DRAM1: variants seen among roughly 807,000 people sequenced by gnomAD.
DRAM1 encodes the protein DNA damage regulated autophagy modulator 1.
A neutral mutation model predicts 28.5 loss-of-function variants in DRAM1; 25 were observed. That is an observed-to-expected ratio of 0.88 (90% confidence interval 0.64 to 1.23). The LOEUF (loss-of-function observed/expected upper bound fraction) is 1.23. Ranked by LOEUF, DRAM1 falls within the 50% of genes most tolerant of loss-of-function variation. The probability of loss-of-function intolerance (pLI) is 0.00; values close to 1 mark genes in which losing one functional copy is unlikely to be tolerated. For synonymous variants in DRAM1, 113 were observed against 114.2 expected (o/e 0.99, Z 0.07); for missense variants, 249 against 299.2 (o/e 0.83, Z 1.24).
At chr12:101,903,862 G>A (rs1279474620) in intron 3 of DRAM1, among the ~76,000 whole-genome samples, 1 of 151,712 alleles carries the variant, frequency 6.6e-6, no homozygotes, top group Admixed American at 6.6e-5. Context: ...CCAGGAGTTT[G>A]AGACTAGTCT....
intron 1 of DRAM1, among the ~76,000 whole-genome samples, chr12:101,894,493 C>G (rs1873272312): frequency 6.6e-6 from 1 of 152,156 alleles, no homozygotes; most frequent in Non-Finnish European, 1.5e-5. Context: ...CTCAAGTGAT[C>G]CATCCTCCTC....
chr12:101,894,789 A>T (rs1308574182), intron 1 of DRAM1, among the ~76,000 whole-genome samples: 1 of 151,954 alleles, frequency 6.6e-6, no homozygotes, highest in African/African-American at 2.4e-5. Flanking sequence ...TCATTCTTTC[A>T]TTGCCTTCCC....
chr12:101,890,235 C>A lies in DRAM1; in HGVS notation c.132-7628C>A, dbSNP rs1001393430. The A allele has an allele frequency of 1.5e-4, 49 of 324,682 alleles. 1 individual carries two copies. The highest frequency in any genetic ancestry group is 1.0e-3 in the South Asian group (43 of 42,964). The allele number at this position is 324,682 out of a possible 1,614,324, so 20.1% of individuals were successfully genotyped here. On this transcript the variant is annotated intron_variant, in intron 1 of 6. Coordinates refer to ENST00000258534, the MANE Select transcript of DRAM1 (RefSeq NM_018370.3). ...CTGGGATTACAGGTATGTGCCACCACGCCTGGCTAATTTTTGTATTTTTTA... is the reference window on the plus strand; with the variant it reads ...CTGGGATTACAGGTATGTGCCACCAAGCCTGGCTAATTTTTGTATTTTTTA...
At chr12:101,896,991 T>C (rs1873399713) in intron 1 of DRAM1, among the ~76,000 whole-genome samples, 1 of 152,104 alleles carries the variant, frequency 6.6e-6, no homozygotes, top group South Asian at 2.1e-4. Context: ...TTCTCCATGT[T>C]GGTCAGGCTG....
chr12:101,878,015 G>A, intron 1 of DRAM1, 95 bp downstream of exon 1: 2 of 1,349,824 alleles, frequency 1.5e-6, no homozygotes, highest in Non-Finnish European at 1.9e-6. Flanking sequence ...GACCCAGCTT[G>A]GGGCGTCGTG....
chr12:101,913,663 G>A (rs931921682), intron 4 of DRAM1, among the ~76,000 whole-genome samples: 4 of 136,618 alleles, frequency 2.9e-5, no homozygotes, highest in African/African-American at 5.6e-5. Flanking sequence ...CTGAGATCGC[G>A]CCATTGCACT....
At chr12:101,892,409 T>A (rs899573550) in intron 1 of DRAM1, among the ~76,000 whole-genome samples, 54 of 69,386 alleles carry the variant, frequency 7.8e-4, no homozygotes, top group African/African-American at 2.1e-3. Flanking sequence ...CTAATTTTTT[T>A]TTTTTTTTTT....
intron 1 of DRAM1, among the ~76,000 whole-genome samples, chr12:101,890,941 G>A (rs925798988): frequency 6.6e-6 from 1 of 151,692 alleles, no homozygotes; most frequent in African/African-American, 2.4e-5. Context: ...AATAGAGACG[G>A]GGTTTCACCA....
chr12:101,907,222 GA>G lies in DRAM1; in HGVS notation c.343-958del, dbSNP rs111710026. 3.8e-3 allele frequency among the ~76,000 whole-genome samples: 512 copies of G among 135,008 alleles called. 6 individuals are homozygous for G. The highest frequency in any genetic ancestry group is 4.2e-3 in the Non-Finnish European group (269 of 64,516). The allele number at this position is 135,008 out of a possible 152,430, so 88.6% of individuals were successfully genotyped here. ...CTCAAAAAAAAAAAAAAAAAAAGAA[GA>G]AAAAAGAAGCTGCATTTGCATAACA... On this transcript the variant is annotated intron_variant, in intron 3 of 6. Coordinates refer to ENST00000258534, the MANE Select transcript of DRAM1 (RefSeq NM_018370.3).
At chr12:101,921,178 A>T in intron 6 of DRAM1, 38 bp from the exon 7 acceptor site, 1 of 1,453,996 alleles carries the variant, frequency 6.9e-7, no homozygotes, top group Non-Finnish European at 9.7e-7. Flanking sequence ...GGATTGTTTA[A>T]CTTCTTTTAA....
At chr12:101,902,024 C>T (rs1873624181) in intron 3 of DRAM1, among the ~76,000 whole-genome samples, 1 of 152,074 alleles carries the variant, frequency 6.6e-6, no homozygotes, top group African/African-American at 2.4e-5. Context: ...GTTGGGAGAG[C>T]TACTTCAGCT....
chr12:101,890,765 T>C (rs1329454551), intron 1 of DRAM1, among the ~76,000 whole-genome samples: 1 of 102,360 alleles, frequency 9.8e-6, no homozygotes, highest in Non-Finnish European at 2.0e-5. Flanking sequence ...TTTTTTTTTT[T>C]TTTGAGTCGG....
At chr12:101,888,649 G>T (rs7307726) in intron 1 of DRAM1, among the ~76,000 whole-genome samples, 74,619 of 151,732 alleles carry the variant, frequency 0.49, 19,401 homozygotes, top group East Asian at 0.67. Context: ...TGTCATTTGG[G>T]TACAACAAAT....
At chr12:101,885,958 A>T (rs997179278) in intron 1 of DRAM1, among the ~76,000 whole-genome samples, 1 of 152,192 alleles carries the variant, frequency 6.6e-6, no homozygotes, top group African/African-American at 2.4e-5. Flanking sequence ...AGCCTGACAC[A>T]TTGCAGGCAC....
chr12:101,921,620 G>T lies in DRAM1; in HGVS notation c.*360G>T, dbSNP rs950437361. On this transcript the variant is annotated 3_prime_UTR_variant, in exon 7 of 7. Coordinates refer to ENST00000258534, the MANE Select transcript of DRAM1 (RefSeq NM_018370.3). ...AGATTTATGGAAATACACTAAATGAGTAATTCAGGTTCAGTACATTTATTA... is the reference window on the plus strand; with the variant it reads ...AGATTTATGGAAATACACTAAATGATTAATTCAGGTTCAGTACATTTATTA... 3 of 168,894 alleles carry T rather than the reference G, an allele frequency of 1.8e-5. No homozygotes were observed. Among genetic ancestry groups the T allele is most frequent in the African/African-American group, 4.8e-5 (2 of 41,684 alleles). The allele number at this position is 168,894 out of a possible 1,614,324, so 10.5% of individuals were successfully genotyped here.
intron 4 of DRAM1, among the ~76,000 whole-genome samples, chr12:101,910,768 T>C (rs921391054): frequency 1.9e-4 from 29 of 151,740 alleles, no homozygotes; most frequent in Non-Finnish European, 3.4e-4. Context: ...TGTGAGCCAC[T>C]GTGCCTGGCC....
chr12:101,909,417 G>A (rs1032202890), intron 4 of DRAM1, among the ~76,000 whole-genome samples: 3 of 152,114 alleles, frequency 2.0e-5, no homozygotes, highest in African/African-American at 7.2e-5. Context: ...AGTTTCATGA[G>A]CCATATGAAA....
At chr12:101,879,471 A>G (rs1198834561) in intron 1 of DRAM1, among the ~76,000 whole-genome samples, 13 of 151,902 alleles carry the variant, frequency 8.6e-5, no homozygotes, top group Admixed American at 8.5e-4. Context: ...AGTAGAGACA[A>G]AGTCTCACTA....
chr12:101,913,705 CAAAAA>C (rs60536139), intron 4 of DRAM1, among the ~76,000 whole-genome samples: 2 of 50,182 alleles, frequency 4.0e-5, no homozygotes, highest in South Asian at 7.3e-4. Context: ...GAGTACGTCT[CAAAAA>C]AAAAAAAAAA....
Sources: allele counts gnomAD v4.1 joint callset (sites outside exome capture counted in the v4.1 genomes callset), GRCh38; gene constraint gnomAD v4.1.1; transcripts MANE v1.5; gene names NCBI Gene and HGNC (gene_info 2026-07-23, HGNC 2026-07-21).